TEX11: variants seen among roughly 807,000 people sequenced by gnomAD.
TEX11 encodes the protein testis-expressed protein 11.
Under a neutral mutation model 84.4 loss-of-function variants are expected in TEX11, and 7 were observed. The ratio of observed to expected loss-of-function variants is 0.08; its 90% CI spans 0.05 to 0.16. TEX11 has a LOEUF of 0.16. TEX11 is among the 10% of genes least tolerant of loss of function. TEX11 has a pLI of 1.00. For missense variants in TEX11, 551 were observed against 660.5 expected, an observed-to-expected ratio of 0.83 and a Z score of 1.82; for synonymous variants, 264 against 222.8, an observed-to-expected ratio of 1.18 and a Z score of -1.64.
In TEX11 at chrX:70,808,886, AAT is replaced by A. The variant is rs757063923; in HGVS notation, c.607-2098_607-2097del. Among the ~76,000 whole-genome samples, 671 of 112,070 alleles carry A rather than the reference AAT, an allele frequency of 6.0e-3. 2 individuals carry two copies. Among genetic ancestry groups the A allele is most frequent in the African/African-American group, 0.021 (647 of 30,927 alleles). ...GCATAAATTATGATGGTACAATAAA[AAT>A]ATGTTTAGACATGCAAACTCTTCAA... On this transcript the variant is annotated intron_variant, in intron 8 of 29. Transcript: ENST00000374333.
At chrX:70,671,242 A>T (rs1481075702) in intron 15 of TEX11, among the ~76,000 whole-genome samples, 2 of 111,581 alleles carry the variant, frequency 1.8e-5, no homozygotes, top group African/African-American at 6.5e-5. Context: ...ATTATTTCTT[A>T]ATCTAAGAAA....
intron 21 of TEX11, among the ~76,000 whole-genome samples, chrX:70,609,671 T>G (rs1469519049): frequency 1.8e-5 from 2 of 112,200 alleles, no homozygotes; most frequent in Non-Finnish European, 3.8e-5. Context: ...AGAAGTGGTC[T>G]GGTTTCTAAA....
At chrX:70,896,954 C>T (rs969545697) in intron 2 of TEX11, among the ~76,000 whole-genome samples, 1 of 106,057 alleles carries the variant, frequency 9.4e-6, no homozygotes, top group African/African-American at 3.4e-5. Context: ...CGTGGTGAAA[C>T]CCCATCTCTA....
chrX:70,890,521 G>A (rs1430171688), intron 2 of TEX11, among the ~76,000 whole-genome samples: 1 of 112,659 alleles, frequency 8.9e-6, no homozygotes. Context: ...CTTTTCCAAC[G>A]GTCTTAGCAA....
intron 24 of TEX11, among the ~76,000 whole-genome samples, chrX:70,598,775 A>T (rs377050047): frequency 6.2e-4 from 70 of 112,396 alleles, no homozygotes; most frequent in East Asian, 5.8e-3. Flanking sequence ...GTCAGAAAAG[A>T]CTACACATCA....
chrX:70,679,131 A>G (rs1439653121), intron 14 of TEX11, among the ~76,000 whole-genome samples: 69 of 78,064 alleles, frequency 8.8e-4, no homozygotes, highest in African/African-American at 3.0e-3. Context: ...GGTGGAGACG[A>G]GGTTTCGCTG....
rs571152329 is a variant in TEX11, at chrX:70,803,995, T to G, written c.692+2710A>C. Among the ~76,000 whole-genome samples the G allele has an allele frequency of 3.8e-4, 42 of 111,913 alleles. No homozygotes were observed. The South Asian group carries it at 0.011, about 29-fold the overall frequency. ...TCCGCCTCTACAAAAAAACAATGTT[T>G]TTTTTTTTTAATTGTTCCAAAGATT... On this transcript the variant is annotated intron_variant, in intron 9 of 29. Transcript: ENST00000374333.
intron 10 of TEX11, among the ~76,000 whole-genome samples, chrX:70,743,146 T>C (rs749492281): frequency 3.6e-5 from 4 of 112,357 alleles, no homozygotes; most frequent in African/African-American, 1.3e-4. Flanking sequence ...ACATTATCTG[T>C]CTTTTTGTGA....
intron 2 of TEX11, among the ~76,000 whole-genome samples, chrX:70,887,172 G>C (rs1183570155): frequency 8.9e-6 from 1 of 111,872 alleles, no homozygotes; most frequent in Non-Finnish European, 1.9e-5. Flanking sequence ...GGTGGCTACA[G>C]GGAGAGACCC....
At chrX:70,820,239 A>G (rs775762280) in intron 8 of TEX11, among the ~76,000 whole-genome samples, 3 of 112,007 alleles carry the variant, frequency 2.7e-5, no homozygotes, top group Non-Finnish European at 5.6e-5. Context: ...ATGGAATAGA[A>G]TAGAAGAGCC....
At chrX:70,907,681 C>G in intron 2 of TEX11, 72 bp downstream of exon 2, 1 of 860,615 alleles carries the variant, frequency 1.2e-6, no homozygotes, top group Non-Finnish European at 1.7e-6. Context: ...CGTGAGCCAC[C>G]GCGCCCAGCA....
chrX:70,908,380 T>C (rs1288888639), intron 1 of TEX11, among the ~76,000 whole-genome samples: 1 of 110,937 alleles, frequency 9.0e-6, no homozygotes, highest in African/African-American at 3.3e-5. Flanking sequence ...ATTTAGGTCC[T>C]TTAGCATCTA....
chrX:70,544,975 T>G (rs763459999), intron 28 of TEX11, among the ~76,000 whole-genome samples: 1 of 108,175 alleles, frequency 9.2e-6, no homozygotes, highest in African/African-American at 3.4e-5. Flanking sequence ...GAGGCTGAAG[T>G]GGGACAATCA....
chrX:70,723,777 C>T (rs1169615791), intron 12 of TEX11, among the ~76,000 whole-genome samples: 5 of 109,787 alleles, frequency 4.6e-5, no homozygotes, highest in Non-Finnish European at 9.6e-5. Context: ...TTTTAAATTT[C>T]AATCTTTCTA....
rs146788257 is a variant in TEX11 at position 70,635,034 on chromosome X, T to C, written c.1484-5299A>G. On this transcript the variant is annotated intron_variant, in intron 17 of 29. Transcript: ENST00000374333. ...ACTGAACATCAACAAGATGGTGGAA[T>C]AGGACTTTCCAGCGCTCATTCCCCA... 5.4e-3 allele frequency among the ~76,000 whole-genome samples: 603 copies of C among 112,305 alleles called. 1 individual carries two copies. The highest frequency in any genetic ancestry group is 9.7e-3 in the Non-Finnish European group (515 of 53,248).
At chrX:70,803,992 GT>G (rs111405891) in intron 9 of TEX11, among the ~76,000 whole-genome samples, 4,807 of 104,198 alleles carry the variant, frequency 0.046, 101 homozygotes, top group African/African-American at 0.07. Flanking sequence ...AAAAAACAAT[GT>G]TTTTTTTTTT....
In TEX11 at chrX:70,880,063, T is replaced by C; in HGVS notation, c.84A>G (p.Pro28=). 8.5e-7 allele frequency: 1 copy of C among 1,181,659 alleles called. No homozygotes were observed. Among genetic ancestry groups the C allele is most frequent in the Non-Finnish European group, 1.1e-6 (1 of 873,558 alleles). ...CGCTGAAGAGTCTATCAATTGCCTCTGGTATGTTAGGTGAATTATCATTTG... is the reference window on the plus strand; with the variant it reads ...CGCTGAAGAGTCTATCAATTGCCTCCGGTATGTTAGGTGAATTATCATTTG... ...LVTNDNSPNI[P]EAIDRLFSDI... The change falls in exon 3 of 30, where the codon CCA becomes CCG. Residue 28 remains proline, a synonymous_variant. Coordinates refer to ENST00000374333, the MANE Select transcript of TEX11 (RefSeq NM_031276.3).
chrX:70,700,348 A>G (rs1156268196), intron 13 of TEX11, among the ~76,000 whole-genome samples: 1 of 111,723 alleles, frequency 9.0e-6, no homozygotes, highest in African/African-American at 3.3e-5. Flanking sequence ...GTCTACAGGT[A>G]CCATTTTTCC....
chrX:70,512,823 G>A, the TEX11 span, among the ~76,000 whole-genome samples: 1 of 108,399 alleles, frequency 9.2e-6, no homozygotes, highest in African/African-American at 3.4e-5. Flanking sequence ...TATTTTCATT[G>A]CCATTTAACA....
Sources: allele counts gnomAD v4.1 joint callset (sites outside exome capture counted in the v4.1 genomes callset), GRCh38; gene constraint gnomAD v4.1.1; transcripts MANE v1.5; gene names NCBI Gene and HGNC (gene_info 2026-07-23, HGNC 2026-07-21).